Variants in PPFIA2 observed in about 807,000 individuals in gnomAD.
PPFIA2 encodes PPFI scaffold protein A2.
PPFIA2 carries 46 observed loss-of-function variants against 175.5 expected under a neutral mutation model. That is an observed-to-expected ratio of 0.26 (90% CI 0.21 to 0.34). PPFIA2 has a LOEUF of 0.34. PPFIA2 is among the 10% of genes least tolerant of loss of function. The pLI is 1.00. For missense variants in PPFIA2, 1,179 were observed against 1,506.1 expected (o/e 0.78, Z 3.60); for synonymous variants, 568 against 511.4 (o/e 1.11, Z -1.49).
chr12:81,477,680 G>C (rs956208615), intron 4 of PPFIA2, among the ~76,000 whole-genome samples: 1 of 152,072 alleles, frequency 6.6e-6, no homozygotes, highest in Non-Finnish European at 1.5e-5. Context: ...TTTGTCATTG[G>C]TTCTGTTTAT....
intron 22 of PPFIA2, among the ~76,000 whole-genome samples, chr12:81,317,546 A>G (rs1299202107): frequency 2.0e-5 from 3 of 151,498 alleles, no homozygotes; most frequent in East Asian, 3.9e-4. Flanking sequence ...ACATTTGGTA[A>G]TAGTACATGG....
intron 4 of PPFIA2, chr12:81,598,438 T>C: frequency 1.1e-5 from 10 of 918,782 alleles, no homozygotes; most frequent in African/African-American, 1.8e-5. Context: ...GGTTAACCAA[T>C]AACATACAGT....
chr12:81,581,743 C>T (rs1299888728), intron 4 of PPFIA2, among the ~76,000 whole-genome samples: 1 of 151,516 alleles, frequency 6.6e-6, no homozygotes, highest in African/African-American at 2.4e-5. Context: ...AACAAACAAA[C>T]AAACAAACAA....
Position 81,714,832 on chromosome 12 carries a change from C to T in PPFIA2, c.250-37988G>A, listed in dbSNP as rs2078388936. ...AAGACCCTTTGACTTTAGCAATGAA[C>T]CAAAATGAATATAAGGGTATTCTTT... On this transcript the variant is annotated intron_variant, in intron 3 of 32. Coordinates refer to ENST00000549396, the MANE Select transcript of PPFIA2 (RefSeq NM_003625.5). Among the ~76,000 whole-genome samples the T allele has an allele frequency of 4.6e-5, 7 of 150,936 alleles. 1 individual carries two copies. In the Admixed American group the frequency reaches 4.7e-4, roughly 10 times the overall value.
intron 7 of PPFIA2, among the ~76,000 whole-genome samples, chr12:81,420,775 A>G (rs1343984986): frequency 1.3e-5 from 2 of 152,120 alleles, no homozygotes; most frequent in African/African-American, 4.8e-5. Context: ...CAGCTGAAAA[A>G]TCCCCAAATC....
At chr12:81,366,174 C>T (rs1302053200) in intron 14 of PPFIA2, among the ~76,000 whole-genome samples, 1 of 150,384 alleles carries the variant, frequency 6.6e-6, no homozygotes, top group African/African-American at 2.4e-5. Context: ...TTATAGATCA[C>T]TTCTTAAGTT....
chr12:81,301,669 T>C (rs11114817), intron 22 of PPFIA2, among the ~76,000 whole-genome samples: 4,727 of 152,188 alleles, frequency 0.031, 274 homozygotes, highest in African/African-American at 0.11. Context: ...TAAACTCCCA[T>C]CTCAGTCAGC....
intron 4 of PPFIA2, among the ~76,000 whole-genome samples, chr12:81,578,120 G>A (rs1567416400): frequency 6.6e-6 from 1 of 151,698 alleles, no homozygotes; most frequent in Non-Finnish European, 1.5e-5. Context: ...CATCTCTACA[G>A]GGCTGTGTAA....
At chr12:81,422,994 C>A (rs11837966) in intron 7 of PPFIA2, among the ~76,000 whole-genome samples, 22,082 of 151,980 alleles carry the variant, frequency 0.15, 2,318 homozygotes, top group East Asian at 0.36. Context: ...CTACTATGAA[C>A]AATTATAACC....
chr12:81,433,675 A>G (rs2048488848), intron 7 of PPFIA2, among the ~76,000 whole-genome samples: 1 of 152,178 alleles, frequency 6.6e-6, no homozygotes. Context: ...CATTAAGAGA[A>G]TAGTCAAAGA....
intron 32 of PPFIA2, chr12:81,260,622 C>T (rs568171785): frequency 3.9e-5 from 6 of 152,060 alleles, no homozygotes; most frequent in Non-Finnish European, 8.8e-5. Flanking sequence ...AATCTCTTAT[C>T]GGGATGCTTT....
rs117813468 is a variant in PPFIA2, at chr12:81,586,357, A to G, written c.303+90434T>C. Among the ~76,000 whole-genome samples the G allele has an allele frequency of 9.7e-3, 1,468 of 152,004 alleles. 17 individuals carry two copies. The highest frequency in any genetic ancestry group is 0.035 in the South Asian group (169 of 4,822). ...TATCAGTTTGTGATATTCTTTTAAC[A>G]TGCCAGTAATAGCATTGACTCTTTT... On this transcript the variant is annotated intron_variant, in intron 4 of 32. Coordinates refer to ENST00000549396, the MANE Select transcript of PPFIA2 (RefSeq NM_003625.5).
chr12:81,298,884 G>GGAATTA (rs2047129979), intron 23 of PPFIA2, among the ~76,000 whole-genome samples: 1 of 152,124 alleles, frequency 6.6e-6, no homozygotes, highest in Admixed American at 6.6e-5. Context: ...CTAAATTACA[G>GGAATTA]GCAAAGGAAT....
intron 4 of PPFIA2, among the ~76,000 whole-genome samples, chr12:81,486,481 G>C (rs1332599405): frequency 2.6e-5 from 4 of 151,770 alleles, no homozygotes; most frequent in African/African-American, 9.7e-5. Context: ...TTATATTATT[G>C]ATAGAATTTT....
At chr12:81,313,520 C>A (rs1233120723) in intron 22 of PPFIA2, among the ~76,000 whole-genome samples, 1 of 151,980 alleles carries the variant, frequency 6.6e-6, no homozygotes, top group Non-Finnish European at 1.5e-5. Context: ...CTTAGATTTT[C>A]ACATAAACAA....
intron 4 of PPFIA2, among the ~76,000 whole-genome samples, chr12:81,475,955 C>T (rs1201525424): frequency 6.6e-6 from 1 of 152,168 alleles, no homozygotes; most frequent in Non-Finnish European, 1.5e-5. Flanking sequence ...TTGTGACGAT[C>T]ATTTTTAAGG....
At chr12:81,603,060 A>T (rs1741871513) in intron 4 of PPFIA2, among the ~76,000 whole-genome samples, 1 of 151,816 alleles carries the variant, frequency 6.6e-6, no homozygotes, top group Admixed American at 6.6e-5. Context: ...AAAAATTAAA[A>T]ATCAGCCTGG....
intron 3 of PPFIA2, among the ~76,000 whole-genome samples, chr12:81,720,307 GA>G (rs1038195463): frequency 1.3e-5 from 2 of 151,468 alleles, no homozygotes; most frequent in Non-Finnish European, 3.0e-5. Context: ...TGCTTTGGGG[GA>G]AAAATTGCTT....
chr12:81,555,853 T>G (rs1459835586), intron 4 of PPFIA2, among the ~76,000 whole-genome samples: 1 of 151,970 alleles, frequency 6.6e-6, no homozygotes, highest in Non-Finnish European at 1.5e-5. Context: ...TTCTTCTGGG[T>G]ACTTAAATAT....
Sources: gnomAD v4.1 joint callset for allele counts (sites outside exome capture counted in the v4.1 genomes callset) on GRCh38, gnomAD v4.1.1 for gene constraint, MANE v1.5 for transcripts, NCBI Gene and HGNC (gene_info 2026-07-23, HGNC 2026-07-21) for gene names.